The following ADGRL2 variants were observed in gnomAD, a reference collection of about 807,000 sequenced individuals.
The protein encoded by ADGRL2 is adhesion G protein-coupled receptor L2, also known as calcium-independent alpha-latrotoxin receptor 2.
A neutral mutation model predicts 157.4 loss-of-function variants in ADGRL2; 44 were observed. The observed-to-expected ratio is 0.28, with a 90% CI of 0.22 to 0.36. ADGRL2 has a LOEUF of 0.36. Ranked by LOEUF, ADGRL2 falls within the 10% of genes least tolerant of loss-of-function variation. The pLI, the probability that ADGRL2 is intolerant of heterozygous loss-of-function variation, is 1.00. For missense variants in ADGRL2, 1,510 were observed against 1,768.9 expected, an observed-to-expected ratio of 0.85 and a Z score of 2.63; for synonymous variants, 585 against 624.7, an observed-to-expected ratio of 0.94 and a Z score of 0.95.
chr1:81,758,926 A>T (rs964615607), intron 1 of ADGRL2, among the ~76,000 whole-genome samples: 1 of 152,216 alleles, frequency 6.6e-6, no homozygotes, highest in African/African-American at 2.4e-5. Context: ...CTTTATATGT[A>T]TATATATTTT....
chr1:81,352,782 A>C (rs142290106), intron 1 of ADGRL2, among the ~76,000 whole-genome samples: 70 of 152,262 alleles, frequency 4.6e-4, no homozygotes, highest in Admixed American at 2.7e-3. Flanking sequence ...ATAAGCAATC[A>C]GGTAGAGTTA....
rs139293189 is a variant in ADGRL2, at chr1:81,533,463, C to A, written c.-247-47413C>A. ...ACATTCTTTTGCTCTTAAGTATGTT[C>A]CTCTGAATTTGTCTTCCACTTTACC... On this transcript the variant is annotated intron_variant, in intron 2 of 24. Transcript: ENST00000370721. 4.9e-3 allele frequency among the ~76,000 whole-genome samples: 744 copies of A among 152,186 alleles called. 8 individuals are homozygous for A. The highest frequency in any genetic ancestry group is 0.017 in the African/African-American group (714 of 41,532).
At chr1:81,499,954 GA>G (rs11416538) in intron 2 of ADGRL2, among the ~76,000 whole-genome samples, 43 of 151,618 alleles carry the variant, frequency 2.8e-4, no homozygotes, top group African/African-American at 9.9e-4. Context: ...ATGCTTTCTT[GA>G]AAAAAATTAA....
chr1:81,714,634 C>T lies in ADGRL2; in HGVS notation c.-143+14826C>T, dbSNP rs555266096. 2.3e-3 allele frequency among the ~76,000 whole-genome samples: 349 copies of T among 152,186 alleles called. 1 individual carries two copies. Among genetic ancestry groups the T allele is most frequent in the African/African-American group, 8.0e-3 (332 of 41,530 alleles). ...AAGGGGATAAAGAAGATTTAGAAAA[C>T]CCTGATTCAGTATTAGAAATTAATG... On this transcript the variant is annotated intron_variant, in intron 1 of 20. Coordinates refer to the ADGRL2 transcript ENST00000359929.
intron 1 of ADGRL2, among the ~76,000 whole-genome samples, chr1:81,733,723 T>A (rs1305484824): frequency 2.0e-5 from 3 of 152,158 alleles, no homozygotes; most frequent in African/African-American, 7.2e-5. Context: ...CCCCTGCTAA[T>A]AGCTCTGTGC....
chr1:81,764,019 A>T (rs2086010376), intron 2 of ADGRL2, among the ~76,000 whole-genome samples: 1 of 151,440 alleles, frequency 6.6e-6, no homozygotes, highest in Non-Finnish European at 1.5e-5. Context: ...AACAACAACA[A>T]AACAAAACAC....
intron 1 of ADGRL2, among the ~76,000 whole-genome samples, chr1:81,433,320 C>T (rs893524282): frequency 6.6e-6 from 1 of 152,106 alleles, no homozygotes; most frequent in Non-Finnish European, 1.5e-5. Context: ...CCTCCATGTC[C>T]TCCTTATTTT....
intron 2 of ADGRL2, among the ~76,000 whole-genome samples, chr1:81,550,355 G>A (rs921201267): frequency 5.3e-5 from 8 of 152,060 alleles, no homozygotes; most frequent in African/African-American, 1.9e-4. Context: ...CTTTCCCAAA[G>A]TAACACAGTA....
chr1:81,674,964 G>A (rs754816580), intron 3 of ADGRL2, among the ~76,000 whole-genome samples: 3 of 152,138 alleles, frequency 2.0e-5, no homozygotes, highest in African/African-American at 4.8e-5. Flanking sequence ...AAGTGCTGGA[G>A]GCCATATCAT....
intron 3 of ADGRL2, among the ~76,000 whole-genome samples, chr1:81,653,082 T>G (rs577257498): frequency 6.6e-6 from 1 of 152,188 alleles, no homozygotes; most frequent in African/African-American, 2.4e-5. Context: ...GTAGTTAATC[T>G]AGATGCTTAT....
chr1:81,777,626 C>A (rs1208991811), intron 2 of ADGRL2, among the ~76,000 whole-genome samples: 1 of 152,074 alleles, frequency 6.6e-6, no homozygotes, highest in African/African-American at 2.4e-5. Flanking sequence ...AGCCCGGTGT[C>A]ATGGCACATG....
intron 1 of ADGRL2, among the ~76,000 whole-genome samples, chr1:81,755,189 G>T (rs1190453466): frequency 7.2e-6 from 1 of 138,264 alleles, no homozygotes; most frequent in Non-Finnish European, 1.5e-5. Context: ...TAGATTTAAA[G>T]ATATATATAT....
chr1:81,430,787 A>G (rs1185540636), intron 1 of ADGRL2, among the ~76,000 whole-genome samples: 1 of 152,164 alleles, frequency 6.6e-6, no homozygotes, highest in Admixed American at 6.5e-5. Context: ...AAACTCTGTT[A>G]AGCTCTGGCT....
intron 3 of ADGRL2, among the ~76,000 whole-genome samples, chr1:81,665,348 A>G (rs2082731963): frequency 6.6e-6 from 1 of 152,190 alleles, no homozygotes; most frequent in African/African-American, 2.4e-5. Context: ...TGTGGTTTCT[A>G]TGTATATAAA....
At chr1:81,427,460 G>A in intron 1 of ADGRL2, 1 of 754,328 alleles carries the variant, frequency 1.3e-6, no homozygotes, top group Admixed American at 1.7e-5. Context: ...GGTGGTGGTG[G>A]GAACTATAAT....
At chr1:81,788,776 C>T (rs1249389150) in intron 2 of ADGRL2, among the ~76,000 whole-genome samples, 1 of 151,954 alleles carries the variant, frequency 6.6e-6, no homozygotes, top group African/African-American at 2.4e-5. Context: ...AGTGCAGTGG[C>T]ACGATATGGG....
chr1:81,495,503 A>T (rs1053922242), intron 2 of ADGRL2, among the ~76,000 whole-genome samples: 2 of 152,154 alleles, frequency 1.3e-5, no homozygotes, highest in African/African-American at 2.4e-5. Context: ...AGACTTATTA[A>T]AATATTGAAT....
chr1:81,823,191 A>G (rs758473305), intron 1 of ADGRL2, among the ~76,000 whole-genome samples: 6 of 152,086 alleles, frequency 3.9e-5, no homozygotes, highest in Non-Finnish European at 8.8e-5. Context: ...AGTTTTAAAA[A>G]ATTCTGTTTC....
chr1:81,313,899 T>A (rs1216524604), intron 1 of ADGRL2, among the ~76,000 whole-genome samples: 1 of 152,186 alleles, frequency 6.6e-6, no homozygotes, highest in African/African-American at 2.4e-5. Flanking sequence ...TCCCAAAACA[T>A]CTAGTATTGA....
Sources: allele counts gnomAD v4.1 joint callset (sites outside exome capture counted in the v4.1 genomes callset), GRCh38; gene constraint gnomAD v4.1.1; transcripts MANE v1.5; gene names NCBI Gene and HGNC (gene_info 2026-07-23, HGNC 2026-07-21).